ABHD16A: variants seen among roughly 807,000 people sequenced by gnomAD.
ABHD16A encodes phosphatidylserine lipase ABHD16A.
ABHD16A carries 47 observed loss-of-function variants against 89.8 expected under a neutral mutation model. The observed-to-expected ratio is 0.52, with a 90% CI of 0.41 to 0.67. ABHD16A has a LOEUF of 0.67. ABHD16A is among the 30% of genes least tolerant of loss of function. The pLI is 0.00. For missense variants in ABHD16A, 580 were observed against 734.6 expected (o/e 0.79, Z 2.43); for synonymous variants, 251 against 280.4 (o/e 0.90, Z 1.05).
chr6:31,701,754 G>T (rs1192055206), intron 2 of ABHD16A, among the ~76,000 whole-genome samples: 1 of 152,210 alleles, frequency 6.6e-6, no homozygotes, highest in African/African-American at 2.4e-5. Flanking sequence ...AGCTGTCCCT[G>T]CAGCCAAAGA....
In ABHD16A at chr6:31,687,912, G is replaced by C; in HGVS notation, c.1371-12C>G. On this transcript the variant is annotated splice_polypyrimidine_tract_variant and intron_variant, in intron 16 of 19. Transcript: ENST00000395952. The surrounding 1 kb of genome is among the most constrained non-coding windows in gnomAD (Gnocchi z 6.3). ...TCACCCGGGGATACCTACGGAGGAA[G>C]TGCCAGGACAGGTCAGGGCTGATTT... 1 of 1,612,804 alleles carries C rather than the reference G, an allele frequency of 6.2e-7. No homozygotes were observed. Among genetic ancestry groups the C allele is most frequent in the Admixed American group, 1.7e-5 (1 of 60,014 alleles).
In ABHD16A at chr6:31,688,664, C is replaced by A; in HGVS notation, c.1250+59G>T. 22 of 1,585,228 alleles carry A rather than the reference C, an allele frequency of 1.4e-5. No homozygotes were observed. The highest frequency in any genetic ancestry group is 1.8e-5 in the Non-Finnish European group (21 of 1,158,014). On this transcript the variant is annotated intron_variant, in intron 14 of 19. Transcript: ENST00000395952. This position sits in a 1 kb window ranked among gnomAD's most constrained non-coding sequence, Gnocchi z 4.9. ...TTTAGTACTAGTTTCAGGGTTTGAG[C>A]GCCCAGCAGAGCTGTATGGGGGGCA...
At position 31,687,759 on chromosome 6, in the gene ABHD16A, G is replaced by A; in HGVS notation, c.1448-19C>T. On this transcript the variant is annotated intron_variant, in intron 17 of 19. Coordinates refer to ENST00000395952, the MANE Select transcript of ABHD16A (RefSeq NM_021160.3). This position sits in a 1 kb window ranked among gnomAD's most constrained non-coding sequence, Gnocchi z 6.3. ...ATTGAGGCTGGTCAGGGAGAGAGAT[G>A]ACAGCCAGTCAGCAACCTGACCTTG... 1 of 1,612,822 alleles carries A rather than the reference G, an allele frequency of 6.2e-7. No individual in the cohort carries two copies. Among genetic ancestry groups the A allele is most frequent in the Non-Finnish European group, 8.5e-7 (1 of 1,179,900 alleles).
chr6:31,687,972 C>A lies in ABHD16A; in HGVS notation c.1370+69G>T. 1 of 1,612,284 alleles carries A rather than the reference C, an allele frequency of 6.2e-7. No individual in the cohort carries two copies. Among genetic ancestry groups the A allele is most frequent in the East Asian group, 2.2e-5 (1 of 44,882 alleles). ...CACCATCCCTGAACCTTCCTCCCTC[C>A]TTCCCTGTGCTGGTATCAGTATCTG... On this transcript the variant is annotated intron_variant, in intron 16 of 19. Coordinates refer to ENST00000395952, the MANE Select transcript of ABHD16A (RefSeq NM_021160.3). The surrounding 1 kb of genome is among the most constrained non-coding windows in gnomAD (Gnocchi z 6.3).
Position 31,702,111 on chromosome 6 carries a change from C to CG in ABHD16A, c.151dup (p.Arg51ProfsTer8), listed in dbSNP as rs1562123890. The CG allele has an allele frequency of 6.2e-7, 1 of 1,613,066 alleles. No individual in the cohort carries two copies. On this transcript the variant is annotated frameshift_variant, in exon 2 of 20. Coordinates refer to ENST00000395952, the MANE Select transcript of ABHD16A (RefSeq NM_021160.3). LOFTEE classifies it high-confidence loss of function. ...GCTGTCAGCATGTTTCTCCAGGGCA[C>CG]GGGGCTGATAGTACGTATCCTGCCA...
chr6:31,689,101 G>C lies in ABHD16A; in HGVS notation c.1100C>G (p.Ser367Cys). The C allele has an allele frequency of 6.2e-7, 1 of 1,613,956 alleles. No homozygotes were observed. The highest frequency in any genetic ancestry group is 1.3e-5 in the African/African-American group (1 of 74,992). Reference sequence around the variant, plus strand: ...GATCATGGCACTAACATCTGGGTAGGACATGGCTGCCCACGTGGCTGGTAC... The same window carrying C: ...GATCATGGCACTAACATCTGGGTAGCACATGGCTGCCCACGTGGCTGGTAC... Reference protein sequence around the residue: ...GGFTATWAAMSYPDVSAMILD... With the variant: ...GGFTATWAAMCYPDVSAMILD... Residue 367 changes from serine (S) to cysteine (C), a missense_variant, in exon 13 of 20, where the codon TCC becomes TGC. Ser to Cys is a moderately radical substitution (Grantham distance 112, BLOSUM62 -1). This residue lies in a region of ABHD16A where 415 missense variants were observed against 568.8 expected (regional missense o/e 0.73). Transcript: ENST00000395952.
At chr6:31,702,503 A>G (rs925348051) in intron 1 of ABHD16A, 2 of 1,050,138 alleles carry the variant, frequency 1.9e-6, no homozygotes, top group Non-Finnish European at 2.6e-6. Flanking sequence ...CATCAGAAAT[A>G]AGAGTAGTTG....
In ABHD16A at chr6:31,698,634, C is replaced by T. The variant is rs565757644; in HGVS notation, c.344-1601G>A. Among the ~76,000 whole-genome samples the T allele has an allele frequency of 6.6e-6, 1 of 152,078 alleles. No homozygotes were observed. The highest frequency in any genetic ancestry group is 1.5e-5 in the Non-Finnish European group (1 of 67,996). On this transcript the variant is annotated intron_variant, in intron 4 of 19. Transcript: ENST00000395952. This position sits in a 1 kb window ranked among gnomAD's most constrained non-coding sequence, Gnocchi z 4.1. ...CCAAATAGCTGGGATTACAAGCGCC[C>T]GCCACCATGCACAGCTAATTTTTTC...
rs374729167 is a variant in ABHD16A, at chr6:31,703,227, C to T, written c.55G>A (p.Glu19Lys). The change falls in exon 1 of 20, where the codon GAG (glutamate) becomes AAG (lysine). Residue 19 changes from glutamate (E) to lysine (K), a missense_variant. Glu to Lys is a moderately conservative substitution (Grantham distance 56, BLOSUM62 1). Transcript: ENST00000395952. ...GCCGGGGCCCTTTCAGAGTCCCTCT[C>T]CCGGTAGATTTTGTAGAGCCGGGGG... ...LGPRLYKIYR[E>K]RDSERAPASV... 1.7e-5 allele frequency: 25 copies of T among 1,441,246 alleles called. No homozygotes were observed. The highest frequency in any genetic ancestry group is 2.2e-5 in the Non-Finnish European group (24 of 1,087,176). The allele number at this position is 1,441,246 out of a possible 1,614,324, so 89.3% of individuals were successfully genotyped here.
rs1396682470 is a variant in ABHD16A, at chr6:31,690,130, G to GT, written c.908-4dup. 2 of 1,593,358 alleles carry GT rather than the reference G, an allele frequency of 1.3e-6. No individual in the cohort carries two copies. Among genetic ancestry groups the GT allele is most frequent in the East Asian group, 2.3e-5 (1 of 44,392 alleles). ...CCAGCCCAGGACTGAATATCCAGCT[G>GT]TAACACAGGGGGAGGAGGGACTGAG... On this transcript the variant is annotated splice_region_variant and splice_polypyrimidine_tract_variant and intron_variant, in intron 10 of 19. Coordinates refer to ENST00000395952, the MANE Select transcript of ABHD16A (RefSeq NM_021160.3). This position sits in a 1 kb window ranked among gnomAD's most constrained non-coding sequence, Gnocchi z 4.1.
chr6:31,701,110 C>G (rs1416692287), intron 3 of ABHD16A, 82 bp from the exon 4 acceptor site: 1 of 1,379,524 alleles, frequency 7.2e-7, no homozygotes, highest in Non-Finnish European at 1.0e-6. Context: ...AACCTCCACC[C>G]CACACTCCCT....
intron 3 of ABHD16A, 82 bp downstream of exon 3, chr6:31,701,192 T>A (rs760632571): frequency 1.1e-4 from 158 of 1,439,562 alleles, no homozygotes; most frequent in Admixed American, 9.3e-4. Flanking sequence ...TCTTCACAGG[T>A]CCCCTCTCCT....
At chr6:31,701,427 G>A in intron 2 of ABHD16A, 87 bp from the exon 3 acceptor site, 1 of 1,123,342 alleles carries the variant, frequency 8.9e-7, no homozygotes, top group African/African-American at 1.5e-5. Context: ...CTCTGAGCAA[G>A]ATGGACAACC....
rs1161580609 is a variant in ABHD16A at position 31,689,118 on chromosome 6, G to C, written c.1083C>G (p.Ala361=). 5.6e-6 allele frequency: 9 copies of C among 1,613,270 alleles called. No homozygotes were observed. Among genetic ancestry groups the C allele is most frequent in the Non-Finnish European group, 6.8e-6 (8 of 1,179,598 alleles). The part of the protein sequence containing the change: ...IYAWSIGGFT[A]TWAAMSYPDV... ...CTGGGTAGGACATGGCTGCCCACGT[G>C]GCTGGTACCAGGGCAGGGAAGAAGA... The change falls in exon 13 of 20, where the codon GCC becomes GCG. Residue 361 remains alanine, a splice_region_variant and synonymous_variant. Coordinates refer to ENST00000395952, the MANE Select transcript of ABHD16A (RefSeq NM_021160.3).
chr6:31,693,171 G>T lies in ABHD16A; in HGVS notation c.504-22C>A, dbSNP rs772614129. 3.1e-6 allele frequency: 5 copies of T among 1,608,888 alleles called. No homozygotes were observed. The South Asian group carries it at 5.5e-5, about 18-fold the overall frequency. ...CTTCCTGAGGAAGGGAAAGATGCAG[G>T]GAAGGATAGGGTCAGGAGCAGCAAG... On this transcript the variant is annotated intron_variant, in intron 6 of 19. Coordinates refer to ENST00000395952, the MANE Select transcript of ABHD16A (RefSeq NM_021160.3). The surrounding 1 kb of genome is among the most constrained non-coding windows in gnomAD (Gnocchi z 5.0).
Position 31,703,154 on chromosome 6 carries a change from G to A in ABHD16A, c.128C>T (p.Ser43Phe), listed in dbSNP as rs1805192774. Reference protein sequence around the residue: ...PTAVTAPHSSSWDTYYQPRAL... With the variant: ...PTAVTAPHSSFWDTYYQPRAL... ...GTGGGGAGGAACTCGACTCACCCAG[G>A]AGCTGGAATGGGGGGCAGTGACTGC... The change falls in exon 1 of 20, where the codon TCC becomes TTC. Residue 43 changes from serine to phenylalanine, a missense_variant. By Grantham distance (155) the Ser-to-Phe change is radical. Coordinates refer to ENST00000395952, the MANE Select transcript of ABHD16A (RefSeq NM_021160.3). The A allele has an allele frequency of 3.5e-6, 5 of 1,429,932 alleles. No homozygotes were observed. The highest frequency in any genetic ancestry group is 1.5e-5 in the African/African-American group (1 of 67,768). 88.6% of individuals were successfully genotyped at this position (1,429,932 alleles called of 1,614,324 possible).
In ABHD16A at chr6:31,693,360, G is replaced by A. The variant is rs562274794; in HGVS notation, c.502C>T (p.Arg168Trp). The A allele has an allele frequency of 4.4e-5, 71 of 1,613,058 alleles. 1 individual carries two copies. In the Admixed American group the frequency reaches 9.2e-4, roughly 21 times the overall value. The change falls in exon 6 of 20, where the codon CGG becomes TGG. Residue 168 changes from arginine to tryptophan, a missense_variant and splice_region_variant. Transcript: ENST00000395952. The surrounding 1 kb of genome is among the most constrained non-coding windows in gnomAD (Gnocchi z 5.0). ...VDFHWEEPSSRKESRGGPSRR... is the reference protein window; with the variant it reads ...VDFHWEEPSSWKESRGGPSRR... ...ACAGCAAAAGAACTGGGGCCTCACC[G>A]GCTGCTGGGTTCTTCCCAGTGGAAG... is the stretch of plus-strand genomic sequence containing the variant.
At chr6:31,697,529 T>C (rs1312007386) in intron 4 of ABHD16A, among the ~76,000 whole-genome samples, 3 of 152,150 alleles carry the variant, frequency 2.0e-5, no homozygotes, top group Non-Finnish European at 4.4e-5. Context: ...AATTCCTGAC[T>C]CTTCTATCCT....
intron 12 of ABHD16A, 131 bp from the exon 13 acceptor site, chr6:31,689,250 C>T (rs980630737): frequency 1.5e-5 from 13 of 874,514 alleles, no homozygotes; most frequent in South Asian, 3.5e-5. Flanking sequence ...TTTTTCTTAA[C>T]CTACTTCACT....
Sources: gnomAD v4.1 joint callset for allele counts (sites outside exome capture counted in the v4.1 genomes callset) on GRCh38, gnomAD v4.1.1 for gene constraint, gnomAD v4.1.1 regional missense constraint, Gnocchi (gnomAD v3.1) non-coding constraint, MANE v1.5 for transcripts, NCBI Gene and HGNC (gene_info 2026-07-23, HGNC 2026-07-21) for gene names.